The following ASIC2 variants were observed in gnomAD, a reference collection of about 807,000 sequenced individuals.
ASIC2 encodes the protein acid-sensing ion channel 2.
Under a neutral mutation model 57.3 loss-of-function variants are expected in ASIC2, and 25 were observed. The ratio of observed to expected loss-of-function variants is 0.44; its 90% CI spans 0.32 to 0.61. ASIC2 has a LOEUF of 0.61. ASIC2 is among the 20% of genes least tolerant of loss of function. The pLI is 0.06. For missense variants in ASIC2, 641 were observed against 738.1 expected (o/e 0.87, Z 1.52); for synonymous variants, 319 against 307.5 (o/e 1.04, Z -0.39).
intron 1 of ASIC2, among the ~76,000 whole-genome samples, chr17:34,119,347 T>C (rs1425166430): frequency 6.6e-6 from 1 of 152,184 alleles, no homozygotes; most frequent in Non-Finnish European, 1.5e-5. Flanking sequence ...AAAGCATTAT[T>C]GTATCAAGTG....
chr17:33,546,167 G>A (rs1915571190), intron 1 of ASIC2, among the ~76,000 whole-genome samples: 1 of 149,288 alleles, frequency 6.7e-6, no homozygotes, highest in African/African-American at 2.5e-5. Context: ...ATATACATAA[G>A]TATATGTAAA....
chr17:33,231,293 G>A (rs1908081231), intron 1 of ASIC2, among the ~76,000 whole-genome samples: 1 of 152,202 alleles, frequency 6.6e-6, no homozygotes, highest in South Asian at 2.1e-4. Context: ...CCAGGCCTAG[G>A]CCTAATATCT....
At chr17:33,042,072 C>T (rs1321522835) in intron 3 of ASIC2, among the ~76,000 whole-genome samples, 1 of 152,328 alleles carries the variant, frequency 6.6e-6, no homozygotes, top group East Asian at 1.9e-4. Context: ...GTTTTTATTG[C>T]ATCCTGCTGC....
At chr17:33,144,378 A>T (rs1471131722) in intron 1 of ASIC2, among the ~76,000 whole-genome samples, 1 of 151,904 alleles carries the variant, frequency 6.6e-6, no homozygotes, top group African/African-American at 2.4e-5. Flanking sequence ...AGAGAAGGGG[A>T]TGGGAAGGAG....
chr17:34,150,871 T>C (rs1220620643), intron 1 of ASIC2, among the ~76,000 whole-genome samples: 2 of 152,032 alleles, frequency 1.3e-5, no homozygotes, highest in African/African-American at 2.4e-5. Context: ...TCCTAGCACT[T>C]TGGGAGGCCA....
intron 1 of ASIC2, among the ~76,000 whole-genome samples, chr17:33,780,133 C>G (rs1201848082): frequency 1.3e-5 from 2 of 151,720 alleles, no homozygotes; most frequent in East Asian, 3.9e-4. Context: ...ACCATGCCTG[C>G]CTAATTTTTG....
chr17:33,368,443 G>A (rs1908908626), intron 1 of ASIC2, among the ~76,000 whole-genome samples: 1 of 152,134 alleles, frequency 6.6e-6, no homozygotes, highest in African/African-American at 2.4e-5. Flanking sequence ...CAGACTTCAG[G>A]GATCAGAGAA....
At chr17:33,185,836 C>G (rs1906170263) in intron 1 of ASIC2, among the ~76,000 whole-genome samples, 1 of 152,142 alleles carries the variant, frequency 6.6e-6, no homozygotes, top group African/African-American at 2.4e-5. Flanking sequence ...AGTGGAACAG[C>G]TTTGTAATAA....
chr17:34,088,733 G>A (rs1340453249), intron 1 of ASIC2, among the ~76,000 whole-genome samples: 3 of 152,188 alleles, frequency 2.0e-5, no homozygotes, highest in Admixed American at 1.3e-4. Context: ...AAGCAAGCCT[G>A]GGCAATGGCG....
chr17:34,056,057 T>TTTATCA (rs1193340359), intron 1 of ASIC2, among the ~76,000 whole-genome samples: 104 of 152,240 alleles, frequency 6.8e-4, no homozygotes, highest in African/African-American at 2.4e-3. Context: ...AGATTTGAAA[T>TTTATCA]ATATATTGAT....
Position 34,156,694 on chromosome 17 carries a change from C to T in ASIC2, c.-162G>A. On this transcript the variant is annotated 5_prime_UTR_variant, in exon 1 of 10. Transcript: ENST00000359872. The surrounding 1 kb of genome is among the most constrained non-coding windows in gnomAD (Gnocchi z 4.4). ...TTTATCCTGAGAGCCCAGCCGCACG[C>T]TGACAGGGGTGAGTGTTTATATAAA... 1 of 692,390 alleles carries T rather than the reference C, an allele frequency of 1.4e-6. No individual in the cohort carries two copies. Among genetic ancestry groups the T allele is most frequent in the Non-Finnish European group, 2.4e-6 (1 of 423,384 alleles). The allele number at this position is 692,390 out of a possible 1,614,324, so 42.9% of individuals were successfully genotyped here.
intron 1 of ASIC2, among the ~76,000 whole-genome samples, chr17:33,915,915 G>A (rs996553284): frequency 1.3e-5 from 2 of 152,164 alleles, no homozygotes; most frequent in Admixed American, 1.3e-4. Context: ...GCCCCGTGGG[G>A]ACACTCAAGA....
At chr17:33,033,470 T>C (rs1189455239) in intron 3 of ASIC2, among the ~76,000 whole-genome samples, 2 of 152,030 alleles carry the variant, frequency 1.3e-5, no homozygotes, top group African/African-American at 4.8e-5. Context: ...AGGTGGGAGC[T>C]CCCAGGTACA....
At chr17:33,349,473 A>G (rs733136) in intron 1 of ASIC2, among the ~76,000 whole-genome samples, 105,248 of 151,894 alleles carry the variant, frequency 0.69, 36,603 homozygotes, top group East Asian at 0.87. Context: ...ATGTTGAAAA[A>G]CAGTTCTCCA....
intron 1 of ASIC2, among the ~76,000 whole-genome samples, chr17:33,504,694 A>C (rs891011233): frequency 6.6e-6 from 1 of 152,140 alleles, no homozygotes; most frequent in Non-Finnish European, 1.5e-5. Flanking sequence ...ACTCCTGGTG[A>C]CTGTTCAGCT....
chr17:33,778,260 G>A (rs921330904), intron 1 of ASIC2, among the ~76,000 whole-genome samples: 1 of 152,116 alleles, frequency 6.6e-6, no homozygotes, highest in Non-Finnish European at 1.5e-5. Context: ...AAGCATGAGT[G>A]TAAAAAAGAA....
chr17:34,042,254 C>G (rs1366053637), intron 1 of ASIC2, among the ~76,000 whole-genome samples: 1 of 152,056 alleles, frequency 6.6e-6, no homozygotes, highest in Non-Finnish European at 1.5e-5. Context: ...AGCATATGTC[C>G]CCCCAAAACT....
At chr17:33,388,694 C>G (rs7220791) in intron 1 of ASIC2, among the ~76,000 whole-genome samples, 80,695 of 152,152 alleles carry the variant, frequency 0.53, 24,398 homozygotes, top group Non-Finnish European at 0.69. Context: ...ATGGCATAGA[C>G]TAGTGCTGTG....
chr17:33,210,727 C>T (rs893512523), intron 1 of ASIC2, among the ~76,000 whole-genome samples: 6 of 152,208 alleles, frequency 3.9e-5, no homozygotes, highest in Non-Finnish European at 8.8e-5. Context: ...GAAAGCCTCA[C>T]CCTTCATAAC....
Sources: allele counts gnomAD v4.1 joint callset (sites outside exome capture counted in the v4.1 genomes callset), GRCh38; gene constraint gnomAD v4.1.1; non-coding constraint Gnocchi (gnomAD v3.1); transcripts MANE v1.5; gene names NCBI Gene and HGNC (gene_info 2026-07-23, HGNC 2026-07-21).